Variants in EQTN observed in about 807,000 individuals in gnomAD.
The protein encoded by EQTN is equatorin.
EQTN carries 29 observed loss-of-function variants against 26.9 expected under a neutral mutation model. That is an observed-to-expected ratio of 1.08 (90% CI 0.80 to 1.47). The LOEUF (loss-of-function observed/expected upper bound fraction) is 1.47. Ranked by LOEUF, EQTN falls within the 40% of genes most tolerant of loss-of-function variation. The probability of loss-of-function intolerance (pLI) is 0.00; values close to 1 mark genes in which losing one functional copy is unlikely to be tolerated. For synonymous variants in EQTN, 129 were observed against 120.0 expected, an observed-to-expected ratio of 1.07 and a Z score of -0.49; for missense variants, 391 against 346.1, an observed-to-expected ratio of 1.13 and a Z score of -1.03.
At chr9:27,290,604 T>C (rs1587112794) in intron 5 of EQTN, among the ~76,000 whole-genome samples, 1 of 152,374 alleles carries the variant, frequency 6.6e-6, no homozygotes, top group Admixed American at 6.5e-5. Context: ...AGAAATACTA[T>C]GTACATCATG....
chr9:27,292,415 T>C lies in EQTN; in HGVS notation c.362A>G (p.His121Arg), dbSNP rs1394858056. Residue 121 changes from histidine to arginine, a missense_variant, in exon 4 of 8, where the codon CAT (histidine) becomes CGT (arginine). Coordinates refer to ENST00000380032, the MANE Select transcript of EQTN (RefSeq NM_020641.3). ...EEETTTSEPS[H>R]KNIQRSTPNV... Reference sequence around the variant, plus strand: ...AATTTAAATACTTTGAATATTTTTATGAGAGGGTTCGCTAGTAGTTGTTTC... The same window carrying C: ...AATTTAAATACTTTGAATATTTTTACGAGAGGGTTCGCTAGTAGTTGTTTC... 6.2e-7 allele frequency: 1 copy of C among 1,601,206 alleles called. No homozygotes were observed. The highest frequency in any genetic ancestry group is 8.5e-7 in the Non-Finnish European group (1 of 1,170,894).
At chr9:27,291,146 TG>T in intron 4 of EQTN, 83 bp from the exon 5 acceptor site, 1 of 1,277,422 alleles carries the variant, frequency 7.8e-7, no homozygotes, top group Non-Finnish European at 1.1e-6. Context: ...AACATTCGTT[TG>T]TTAGTCATTT....
At chr9:27,292,282 C>G in intron 4 of EQTN, 119 bp downstream of exon 4, 2 of 521,106 alleles carry the variant, frequency 3.8e-6, no homozygotes, top group Non-Finnish European at 6.6e-6. Flanking sequence ...TAAAAGGTAG[C>G]AGTATAAATT....
At chr9:27,291,969 C>T (rs2131308075) in intron 4 of EQTN, among the ~76,000 whole-genome samples, 1 of 152,166 alleles carries the variant, frequency 6.6e-6, no homozygotes, top group East Asian at 1.9e-4. Context: ...TTGCAGCCTC[C>T]CACTCCCAAC....
At chr9:27,294,821 A>G (rs1383568097) in intron 2 of EQTN, among the ~76,000 whole-genome samples, 1 of 152,190 alleles carries the variant, frequency 6.6e-6, no homozygotes, top group Non-Finnish European at 1.5e-5. Context: ...AAAGCATATC[A>G]TTTGATAACA....
chr9:27,297,094 C>G lies in EQTN; in HGVS notation c.-39G>C. 6.9e-7 allele frequency: 1 copy of G among 1,442,018 alleles called. No homozygotes were observed. Among genetic ancestry groups the G allele is most frequent in the Non-Finnish European group, 9.6e-7 (1 of 1,040,122 alleles). The allele number at this position is 1,442,018 out of a possible 1,614,324, so 89.3% of individuals were successfully genotyped here. On this transcript the variant is annotated 5_prime_UTR_variant, in exon 1 of 8. Coordinates refer to ENST00000380032, the MANE Select transcript of EQTN (RefSeq NM_020641.3). ...TGATTTATCCAGTAATCTAGTGCGT[C>G]TACCCAGAGCCTCCTTTCTGTGGCC...
chr9:27,287,119 G>A (rs1056339700), intron 6 of EQTN, among the ~76,000 whole-genome samples: 2 of 152,118 alleles, frequency 1.3e-5, no homozygotes, highest in Admixed American at 6.5e-5. Flanking sequence ...ATGGCAACAT[G>A]TTATTTCTCC....
intron 7 of EQTN, among the ~76,000 whole-genome samples, chr9:27,285,640 A>G (rs1820104235): frequency 6.6e-6 from 1 of 152,236 alleles, no homozygotes; most frequent in South Asian, 2.1e-4. Context: ...GAAATACACC[A>G]TTCGTCAAAA....
At chr9:27,296,773 T>A in intron 1 of EQTN, 35 bp from the exon 2 acceptor site, 1 of 1,586,580 alleles carries the variant, frequency 6.3e-7, no homozygotes, top group Non-Finnish European at 8.5e-7. Context: ...AGATCAGAAA[T>A]ATGTTGATTT....
chr9:27,286,357 C>A lies in EQTN; in HGVS notation c.487G>T (p.Asp163Tyr). The A allele has an allele frequency of 6.3e-7, 1 of 1,589,572 alleles. No homozygotes were observed. The highest frequency in any genetic ancestry group is 2.3e-5 in the East Asian group (1 of 44,312). ...TTTTCTCCCTGTGTAGCATTCACAT[C>A]AGACTCTGAAAAGAAAGAGAATGCA... ...DQLFHPIPES[D>Y]VNATQGENQP... Residue 163 changes from aspartate (D) to tyrosine (Y), a missense_variant, in exon 7 of 8, where the codon GAT (aspartate) becomes TAT (tyrosine). By Grantham distance (160) the Asp-to-Tyr change is radical (BLOSUM62 -3). Transcript: ENST00000380032.
intron 6 of EQTN, among the ~76,000 whole-genome samples, chr9:27,288,210 G>A (rs1820159341): frequency 6.6e-6 from 1 of 152,130 alleles, no homozygotes; most frequent in Non-Finnish European, 1.5e-5. Flanking sequence ...CCATTTATTT[G>A]TAGGACAGAG....
chr9:27,288,754 G>A (rs1048572409), intron 6 of EQTN, among the ~76,000 whole-genome samples: 4 of 152,172 alleles, frequency 2.6e-5, no homozygotes, highest in African/African-American at 9.7e-5. Flanking sequence ...AAGCTAGTCT[G>A]AAAAGGTTAC....
In EQTN at chr9:27,294,417, G is replaced by C; in HGVS notation, c.203-15C>G. 6.5e-7 allele frequency: 1 copy of C among 1,538,840 alleles called. No individual in the cohort carries two copies. Among genetic ancestry groups the C allele is most frequent in the Middle Eastern group, 1.7e-4 (1 of 5,818 alleles). On this transcript the variant is annotated splice_polypyrimidine_tract_variant and intron_variant, in intron 2 of 7. Transcript: ENST00000380032. ...TGTGAACACATCTAAAAACAAAAGC[G>C]AAAGTCTTCAGCAACTAGCTAAGTC... is the stretch of plus-strand genomic sequence containing the variant.
At chr9:27,296,575 C>A (rs759137504) in intron 2 of EQTN, 38 bp downstream of exon 2, 2 of 1,336,320 alleles carry the variant, frequency 1.5e-6, no homozygotes, top group Admixed American at 4.6e-5. Context: ...GGATAATCAA[C>A]TTTTGCATAT....
intron 6 of EQTN, 128 bp downstream of exon 6, chr9:27,289,544 T>A: frequency 1.7e-6 from 1 of 601,786 alleles, no homozygotes. Flanking sequence ...AGAAAAGGTT[T>A]TTGTCATGTT....
intron 2 of EQTN, 61 bp downstream of exon 2, chr9:27,296,552 T>C (rs1820348110): frequency 8.3e-7 from 1 of 1,206,682 alleles, no homozygotes; most frequent in South Asian, 1.5e-5. Flanking sequence ...AAAAGGACAC[T>C]TAAGTGAAAC....
intron 5 of EQTN, among the ~76,000 whole-genome samples, 162 bp from the exon 6 acceptor site, chr9:27,289,893 C>T (rs532753288): frequency 4.5e-4 from 69 of 152,252 alleles, no homozygotes; most frequent in African/African-American, 1.5e-3. Context: ...ACTGTATTAA[C>T]GAATACTGAA....
chr9:27,289,928 G>T (rs1820197448), intron 5 of EQTN, among the ~76,000 whole-genome samples, 197 bp from the exon 6 acceptor site: 1 of 152,134 alleles, frequency 6.6e-6, no homozygotes, highest in African/African-American at 2.4e-5. Flanking sequence ...GTAAATACAG[G>T]GTTAGATTCC....
At chr9:27,295,853 A>AC (rs1199191621) in intron 2 of EQTN, among the ~76,000 whole-genome samples, 4 of 150,100 alleles carry the variant, frequency 2.7e-5, no homozygotes, top group Admixed American at 1.3e-4. Context: ...AAAAAAAAAA[A>AC]ACAACGATAA....
Sources: allele counts gnomAD v4.1 joint callset (sites outside exome capture counted in the v4.1 genomes callset), GRCh38; gene constraint gnomAD v4.1.1; transcripts MANE v1.5; gene names NCBI Gene and HGNC (gene_info 2026-07-23, HGNC 2026-07-21).